CSMD1: variants seen among roughly 807,000 people sequenced by gnomAD.
CSMD1 encodes the protein CUB and sushi domain-containing protein 1.
In CSMD1, 213 loss-of-function variants were observed where a neutral mutation model predicts 417.5. That is an observed-to-expected ratio of 0.51 (90% CI 0.46 to 0.57). CSMD1 has a LOEUF of 0.57. CSMD1 is among the 20% of genes least tolerant of loss of function. The pLI is 0.00. For missense variants in CSMD1, 6,923 were observed against 4,529.7 expected, an observed-to-expected ratio of 1.53 and a Z score of -15.17; for synonymous variants, 2,862 against 1,736.8, an observed-to-expected ratio of 1.65 and a Z score of -16.11.
chr8:4,941,499 C>A (rs1807997518), intron 1 of CSMD1, among the ~76,000 whole-genome samples: 1 of 152,170 alleles, frequency 6.6e-6, no homozygotes, highest in African/African-American at 2.4e-5. Context: ...TCAGAATCAA[C>A]AGTTATCTAC....
chr8:3,980,452 T>A (rs890478525), intron 5 of CSMD1, among the ~76,000 whole-genome samples: 2 of 152,186 alleles, frequency 1.3e-5, no homozygotes, highest in South Asian at 4.1e-4. Flanking sequence ...TCTTACACGT[T>A]TGTGAAGATT....
At chr8:4,406,821 C>T (rs910680671) in intron 3 of CSMD1, among the ~76,000 whole-genome samples, 1 of 152,198 alleles carries the variant, frequency 6.6e-6, no homozygotes, top group Non-Finnish European at 1.5e-5. Flanking sequence ...ACAAAGTTGT[C>T]TTGTCAGTTA....
chr8:3,308,549 A>G (rs1222590014), intron 23 of CSMD1, 46 bp from the exon 24 acceptor site: 1 of 1,500,112 alleles, frequency 6.7e-7, no homozygotes, highest in Non-Finnish European at 9.2e-7. Flanking sequence ...AAGGGTGGAC[A>G]TCTGCCTTAA....
At chr8:3,383,331 G>A (rs1239489738) in intron 18 of CSMD1, among the ~76,000 whole-genome samples, 2 of 152,108 alleles carry the variant, frequency 1.3e-5, no homozygotes, top group African/African-American at 4.8e-5. Context: ...GAGAACAACA[G>A]AATGTCTTCA....
chr8:4,259,932 A>G (rs1393874987), intron 3 of CSMD1, among the ~76,000 whole-genome samples: 3 of 152,172 alleles, frequency 2.0e-5, no homozygotes, highest in African/African-American at 7.2e-5. Context: ...ACAAAATTAT[A>G]TCCATTTTGC....
chr8:4,002,969 A>G (rs1023147537), intron 4 of CSMD1, among the ~76,000 whole-genome samples: 3 of 152,224 alleles, frequency 2.0e-5, no homozygotes, highest in African/African-American at 4.8e-5. Flanking sequence ...AAATAACTTT[A>G]TAAGTAAACC....
chr8:3,934,816 C>T (rs1810375392), intron 5 of CSMD1, among the ~76,000 whole-genome samples: 1 of 152,096 alleles, frequency 6.6e-6, no homozygotes, highest in Non-Finnish European at 1.5e-5. Flanking sequence ...CACTGCACTC[C>T]AGCCTGGGCA....
intron 10 of CSMD1, among the ~76,000 whole-genome samples, chr8:3,571,711 T>G (rs1799949957): frequency 6.6e-6 from 1 of 152,010 alleles, no homozygotes; most frequent in Admixed American, 6.6e-5. Context: ...GGTCTTGTGT[T>G]CCTCCGTCCC....
chr8:3,619,784 GC>G (rs2117186645), intron 7 of CSMD1, among the ~76,000 whole-genome samples: 1 of 152,212 alleles, frequency 6.6e-6, no homozygotes, highest in African/African-American at 2.4e-5. Flanking sequence ...AGGTTAGAAA[GC>G]AATGGATAGG....
intron 3 of CSMD1, among the ~76,000 whole-genome samples, chr8:4,153,307 C>T (rs1470762465): frequency 6.6e-6 from 1 of 152,172 alleles, no homozygotes; most frequent in South Asian, 2.1e-4. Flanking sequence ...TCTCCGGGCT[C>T]TTCTCACTTC....
At position 3,369,354 on chromosome 8, in the gene CSMD1, G is replaced by A. The variant is rs1218487887; in HGVS notation, c.2799C>T (p.Tyr933=). 1 of 1,567,824 alleles carries A rather than the reference G, an allele frequency of 6.4e-7. No homozygotes were observed. Among genetic ancestry groups the A allele is most frequent in the Middle Eastern group, 1.7e-4 (1 of 5,976 alleles). Residue 933 remains tyrosine (Y), a synonymous_variant, in exon 19 of 70, where the codon TAC becomes TAT. Coordinates refer to ENST00000635120, the MANE Select transcript of CSMD1 (RefSeq NM_033225.6). ...LPSCDALCGG[Y]IQGKSGTVLS... ...GGACTGTTCCACTCTTCCCTTGGAT[G>A]TAGCCTCCACATAGAGCTTAAAATA...
intron 31 of CSMD1, among the ~76,000 whole-genome samples, chr8:3,203,767 T>A (rs1395051061): frequency 6.6e-6 from 1 of 152,178 alleles, no homozygotes; most frequent in African/African-American, 2.4e-5. Context: ...TTAGAAAGAA[T>A]TCTTGGCTAT....
chr8:3,104,916 G>C (rs750520943), intron 46 of CSMD1, among the ~76,000 whole-genome samples: 9 of 151,994 alleles, frequency 5.9e-5, no homozygotes, highest in Non-Finnish European at 8.8e-5. Flanking sequence ...CTGTTGGTCA[G>C]GCTGGTCTCG....
At position 4,140,207 on chromosome 8, in the gene CSMD1, AC is replaced by A. The variant is rs560566150; in HGVS notation, c.416-108109del. Reference sequence around the variant, plus strand: ...GTATCTAAAACCACAAAACAAATAAACAAAAATTCATCTGGATATGAAGGCT... The same window carrying A: ...GTATCTAAAACCACAAAACAAATAAAAAAAATTCATCTGGATATGAAGGCT... On this transcript the variant is annotated intron_variant, in intron 3 of 69. Coordinates refer to ENST00000635120, the MANE Select transcript of CSMD1 (RefSeq NM_033225.6). 8.7e-5 allele frequency among the ~76,000 whole-genome samples: 13 copies of A among 148,868 alleles called. No individual in the cohort carries two copies. The East Asian group carries it at 2.5e-3, about 29-fold the overall frequency.
rs561209600 is a variant in CSMD1 at position 4,488,996 on chromosome 8, C to T, written c.303-68931G>A. Among the ~76,000 whole-genome samples the T allele has an allele frequency of 5.9e-5, 9 of 152,258 alleles. No individual in the cohort carries two copies. In the East Asian group the frequency reaches 9.7e-4, roughly 16 times the overall value. On this transcript the variant is annotated intron_variant, in intron 2 of 69. Coordinates refer to ENST00000635120, the MANE Select transcript of CSMD1 (RefSeq NM_033225.6). ...GCGCGATCTTGGCTCACTGCACGTCCGCCTCCCAGCTTCAAGCAATTCCCC... is the reference window on the plus strand; with the variant it reads ...GCGCGATCTTGGCTCACTGCACGTCTGCCTCCCAGCTTCAAGCAATTCCCC...
intron 7 of CSMD1, among the ~76,000 whole-genome samples, chr8:3,658,849 G>A (rs981625222): frequency 6.6e-6 from 1 of 152,074 alleles, no homozygotes; most frequent in Non-Finnish European, 1.5e-5. Flanking sequence ...AACATTGAAG[G>A]TTTTCTCCTA....
At chr8:3,261,574 G>T (rs955064369) in intron 26 of CSMD1, among the ~76,000 whole-genome samples, 2 of 152,048 alleles carry the variant, frequency 1.3e-5, no homozygotes, top group Non-Finnish European at 2.9e-5. Flanking sequence ...GTACTCATAG[G>T]AGTCCCAATC....
intron 3 of CSMD1, among the ~76,000 whole-genome samples, chr8:4,079,598 G>A (rs1265064367): frequency 6.6e-6 from 1 of 152,198 alleles, no homozygotes; most frequent in Non-Finnish European, 1.5e-5. Context: ...ATTAGGGAAA[G>A]CATTAAAGAT....
intron 3 of CSMD1, among the ~76,000 whole-genome samples, chr8:4,384,692 G>T (rs994535036): frequency 6.6e-6 from 1 of 152,082 alleles, no homozygotes; most frequent in Non-Finnish European, 1.5e-5. Context: ...ACACGAGTGG[G>T]CCTTTCCCAG....
Sources: gnomAD v4.1 joint callset for allele counts (sites outside exome capture counted in the v4.1 genomes callset) on GRCh38, gnomAD v4.1.1 for gene constraint, MANE v1.5 for transcripts, NCBI Gene and HGNC (gene_info 2026-07-23, HGNC 2026-07-21) for gene names.